Variants in PTH2R observed in about 807,000 individuals in gnomAD.
PTH2R encodes PTH2 receptor.
Under a neutral mutation model 60.3 loss-of-function variants are expected in PTH2R, and 59 were observed. The ratio of observed to expected loss-of-function variants is 0.98; its 90% CI spans 0.79 to 1.22. The LOEUF (loss-of-function observed/expected upper bound fraction) is 1.22. PTH2R is among the 50% of genes most tolerant of loss of function. The probability of loss-of-function intolerance (pLI) is 0.00; values close to 1 mark genes in which losing one functional copy is unlikely to be tolerated. For missense variants in PTH2R, 749 were observed against 682.6 expected (o/e 1.10, Z -1.08); for synonymous variants, 256 against 243.8 (o/e 1.05, Z -0.47).
At chr2:208,419,827 C>T (rs1701716670) in intron 1 of PTH2R, among the ~76,000 whole-genome samples, 1 of 152,158 alleles carries the variant, frequency 6.6e-6, no homozygotes, top group South Asian at 2.1e-4. Context: ...TATAAAGACA[C>T]ATGCTCACGT....
At chr2:208,403,769 G>A (rs1406293389), upstream of PTH2R, among the ~76,000 whole-genome samples, 2 of 152,182 alleles carry the variant, frequency 1.3e-5, no homozygotes, top group African/African-American at 2.4e-5. Context: ...TTCCAACATG[G>A]CTCATTCATA....
At chr2:208,451,117 A>G (rs1487295418) in intron 8 of PTH2R, among the ~76,000 whole-genome samples, 2 of 152,160 alleles carry the variant, frequency 1.3e-5, no homozygotes, top group Non-Finnish European at 2.9e-5. Flanking sequence ...CTTAGGATTT[A>G]GTGAAAGCAG....
At chr2:208,392,892 T>G (rs76102766) in intron 1 of PTH2R, among the ~76,000 whole-genome samples, 8,270 of 152,274 alleles carry the variant, frequency 0.054, 458 homozygotes, top group African/African-American at 0.14. Flanking sequence ...GGACCATCTC[T>G]GAGACTGGTT....
At chr2:208,492,742 G>A (rs1158447938) in intron 12 of PTH2R, among the ~76,000 whole-genome samples, 1 of 152,114 alleles carries the variant, frequency 6.6e-6, no homozygotes, top group African/African-American at 2.4e-5. Flanking sequence ...GCTGGCTAGA[G>A]CAAATAGTAA....
chr2:208,467,694 G>A (rs1240704218), intron 9 of PTH2R, among the ~76,000 whole-genome samples: 6 of 152,084 alleles, frequency 3.9e-5, no homozygotes, highest in African/African-American at 1.2e-4. Context: ...TTCAAGATAG[G>A]TGCCTACAGA....
chr2:208,475,883 C>T (rs773782766), intron 9 of PTH2R, among the ~76,000 whole-genome samples: 1 of 152,140 alleles, frequency 6.6e-6, no homozygotes, highest in Non-Finnish European at 1.5e-5. Flanking sequence ...TGGGTTTGCT[C>T]ATTGTATCAG....
intron 1 of PTH2R, among the ~76,000 whole-genome samples, chr2:208,369,933 T>C (rs928401072): frequency 2.6e-5 from 4 of 151,910 alleles, no homozygotes; most frequent in African/African-American, 9.7e-5. Flanking sequence ...GAAAGAACAA[T>C]CCTAAGCATT....
At chr2:208,422,825 G>T (rs1375940537) in intron 1 of PTH2R, among the ~76,000 whole-genome samples, 1 of 151,964 alleles carries the variant, frequency 6.6e-6, no homozygotes, top group Non-Finnish European at 1.5e-5. Flanking sequence ...TAATAATATT[G>T]ATAACTGTCA....
chr2:208,408,740 A>AGAGAAAGAGAGAGAG (rs1553542827), intron 1 of PTH2R, among the ~76,000 whole-genome samples: 2 of 123,316 alleles, frequency 1.6e-5, no homozygotes, highest in African/African-American at 7.8e-5. Flanking sequence ...GAGAGAGAGA[A>AGAGAAAGAGAGAGAG]AGAGAGAGAG....
At chr2:208,437,917 A>T (rs755530655) in intron 4 of PTH2R, 36 bp downstream of exon 4, 1 of 1,591,896 alleles carries the variant, frequency 6.3e-7, no homozygotes, top group South Asian at 1.1e-5. Context: ...TTCCTAAGGG[A>T]AAGCAGAATA....
chr2:208,418,496 G>A (rs1701687152), intron 1 of PTH2R, among the ~76,000 whole-genome samples: 1 of 151,334 alleles, frequency 6.6e-6, no homozygotes, highest in Non-Finnish European at 1.5e-5. Context: ...TATCATTCCA[G>A]CAAATACAGA....
chr2:208,400,005 C>G (rs1048483875), intron 1 of PTH2R, among the ~76,000 whole-genome samples: 1 of 152,074 alleles, frequency 6.6e-6, no homozygotes, highest in African/African-American at 2.4e-5. Flanking sequence ...GGGGCCTTAC[C>G]CCTTCATTAA....
In PTH2R at chr2:208,493,399, G is replaced by A. The variant is rs1484386338; in HGVS notation, c.1393G>A (p.Val465Met). 3 of 1,609,688 alleles carry A rather than the reference G, an allele frequency of 1.9e-6. No individual in the cohort carries two copies. The highest frequency in any genetic ancestry group is 2.5e-6 in the Non-Finnish European group (3 of 1,177,242). Residue 465 changes from valine (V) to methionine (M), a missense_variant, in exon 13 of 13, where the codon GTG becomes ATG. Val to Met is a conservative substitution (Grantham distance 21, BLOSUM62 1). Transcript: ENST00000272847. ...GCACAGCACCAGCAGCCAGTCACAG[G>A]TGGCGGCCAGCACACGCATGGTGCT... ...VTHSTSSQSQVAASTRMVLIS... is the reference protein window; with the variant it reads ...VTHSTSSQSQMAASTRMVLIS...
Position 208,370,470 on chromosome 2 carries a change from A to G in PTH2R, c.-259+10233A>G, listed in dbSNP as rs1021405370. Among the ~76,000 whole-genome samples the G allele has an allele frequency of 4.7e-5, 7 of 148,656 alleles. 1 individual carries two copies. The highest frequency in any genetic ancestry group is 1.8e-4 in the African/African-American group (7 of 39,528). ...AAAAAAAAAAAAAAAAAAAAAAAAAAAAAAAGAAAGGTCAACATTCTACGT... is the reference window on the plus strand; with the variant it reads ...AAAAAAAAAAAAAAAAAAAAAAAAAGAAAAAGAAAGGTCAACATTCTACGT... On this transcript the variant is annotated intron_variant, in intron 1 of 12. Coordinates refer to the PTH2R transcript ENST00000617735.
intron 1 of PTH2R, among the ~76,000 whole-genome samples, chr2:208,374,695 G>A (rs1700761734): frequency 6.6e-6 from 1 of 151,912 alleles, no homozygotes; most frequent in Non-Finnish European, 1.5e-5. Flanking sequence ...TAGTAGAGAT[G>A]GGGTTTCGCC....
intron 8 of PTH2R, among the ~76,000 whole-genome samples, chr2:208,458,573 A>G (rs1175293363): frequency 6.6e-6 from 1 of 152,080 alleles, no homozygotes; most frequent in Non-Finnish European, 1.5e-5. Flanking sequence ...CCCAATAGTT[A>G]TCTTTTCTGC....
At chr2:208,415,039 A>ATGG (rs1559212904) in intron 1 of PTH2R, among the ~76,000 whole-genome samples, 1 of 152,210 alleles carries the variant, frequency 6.6e-6, no homozygotes, top group Non-Finnish European at 1.5e-5. Flanking sequence ...TAAACATGAT[A>ATGG]TGGTGTCTTG....
chr2:208,483,897 C>G (rs1190745041), intron 10 of PTH2R, among the ~76,000 whole-genome samples: 1 of 152,130 alleles, frequency 6.6e-6, no homozygotes, highest in Non-Finnish European at 1.5e-5. Flanking sequence ...ATTCCATATT[C>G]TGTTTCTGAG....
intron 1 of PTH2R, among the ~76,000 whole-genome samples, chr2:208,420,102 A>G (rs1305019368): frequency 6.6e-6 from 1 of 150,472 alleles, no homozygotes; most frequent in Non-Finnish European, 1.5e-5. Flanking sequence ...ACATGGACAC[A>G]GGAAGGGGAA....
Sources: allele counts gnomAD v4.1 joint callset (sites outside exome capture counted in the v4.1 genomes callset), GRCh38; gene constraint gnomAD v4.1.1; transcripts MANE v1.5; gene names NCBI Gene and HGNC (gene_info 2026-07-23, HGNC 2026-07-21).